Variants in LRP5 observed in about 807,000 individuals in gnomAD.
LRP5 encodes LDL receptor related protein 5, also known as low-density lipoprotein receptor-related protein 5.
Under a neutral mutation model 154.1 loss-of-function variants are expected in LRP5, and 62 were observed. That is an observed-to-expected ratio of 0.40 (90% CI 0.33 to 0.50). LRP5 has a LOEUF of 0.50. LRP5 is among the 20% of genes least tolerant of loss of function. LRP5 has a pLI of 0.55. For missense variants in LRP5, 1,915 were observed against 2,336.7 expected, an observed-to-expected ratio of 0.82 and a Z score of 3.72; for synonymous variants, 966 against 1,011.5, an observed-to-expected ratio of 0.96 and a Z score of 0.85.
At chr11:68,309,999 G>C (rs1443472261), upstream of LRP5, among the ~76,000 whole-genome samples, 6 of 152,238 alleles carry the variant, frequency 3.9e-5, no homozygotes, top group East Asian at 7.7e-4. Flanking sequence ...CTAGGCCCTG[G>C]TACGGGCACA....
At chr11:68,419,576 A>G (rs779492158) in intron 13 of LRP5, among the ~76,000 whole-genome samples, 35 of 144,836 alleles carry the variant, frequency 2.4e-4, no homozygotes, top group Non-Finnish European at 4.5e-4. Flanking sequence ...GTCTCACTCT[A>G]TCGCCCAGGC....
At chr11:68,437,552 A>G (rs572275564) in intron 19 of LRP5, among the ~76,000 whole-genome samples, 1 of 152,294 alleles carries the variant, frequency 6.6e-6, no homozygotes, top group East Asian at 1.9e-4. Flanking sequence ...GCAGGAAGGG[A>G]GCTGAGTTCA....
chr11:68,448,792 G>A lies in LRP5; in HGVS notation c.4587-17G>A. The A allele has an allele frequency of 6.2e-7, 1 of 1,602,278 alleles. No homozygotes were observed. Among genetic ancestry groups the A allele is most frequent in the Admixed American group, 1.7e-5 (1 of 60,024 alleles). On this transcript the variant is annotated splice_polypyrimidine_tract_variant and intron_variant, in intron 22 of 22. Transcript: ENST00000294304. ...TGTGCCTACCGAATCCCACTCCTCT[G>A]TGTGTGTCCCTTTCAGGCCCTACAT...
chr11:68,323,198 T>C (rs530797243), intron 1 of LRP5, among the ~76,000 whole-genome samples: 1 of 152,346 alleles, frequency 6.6e-6, no homozygotes, highest in East Asian at 1.9e-4. Context: ...AACCTCTGCC[T>C]CCTGGGTTCA....
chr11:68,314,668 G>A (rs1591162931), intron 1 of LRP5, among the ~76,000 whole-genome samples: 1 of 152,200 alleles, frequency 6.6e-6, no homozygotes, highest in African/African-American at 2.4e-5. Context: ...CTCTCTCCTC[G>A]GGGCCCAAGT....
At chr11:68,356,944 T>C (rs1400453500) in intron 2 of LRP5, among the ~76,000 whole-genome samples, 55 of 150,736 alleles carry the variant, frequency 3.6e-4, no homozygotes, top group Admixed American at 1.2e-3. Flanking sequence ...CTTTTCTTTT[T>C]TTTTTTTTTG....
chr11:68,371,714 G>A (rs1591241036), intron 5 of LRP5, among the ~76,000 whole-genome samples: 2 of 152,232 alleles, frequency 1.3e-5, no homozygotes, highest in Non-Finnish European at 2.9e-5. Flanking sequence ...GCTCACCCAG[G>A]GGCAACGTGA....
In LRP5 at chr11:68,433,612, C is replaced by G. The variant is rs567898028; in HGVS notation, c.3774C>G (p.Thr1258=). The G allele has an allele frequency of 5.6e-6, 9 of 1,613,440 alleles. No homozygotes were observed. In the East Asian group the frequency reaches 1.1e-4, roughly 20 times the overall value. The change falls in exon 18 of 23, where the codon ACC becomes ACG. Residue 1258 remains threonine, a synonymous_variant. Coordinates refer to ENST00000294304, the MANE Select transcript of LRP5 (RefSeq NM_002335.4). ...CTGTCCCTCCCCCAGAGCCGCCCACCTGCTCCCCGGACCAGTTTGCATGTG... is the reference window on the plus strand; with the variant it reads ...CTGTCCCTCCCCCAGAGCCGCCCACGTGCTCCCCGGACCAGTTTGCATGTG... ...QNLLTCGEPP[T]CSPDQFACAT... is the part of the protein sequence containing the mutation.
At chr11:68,326,343 G>A (rs1475715329) in intron 1 of LRP5, among the ~76,000 whole-genome samples, 3 of 152,252 alleles carry the variant, frequency 2.0e-5, no homozygotes, top group East Asian at 1.9e-4. Flanking sequence ...TGCCATCTGC[G>A]TCTGGGCTGG....
intron 19 of LRP5, among the ~76,000 whole-genome samples, chr11:68,437,863 G>C (rs1288833894): frequency 6.6e-6 from 1 of 152,248 alleles, no homozygotes; most frequent in Non-Finnish European, 1.5e-5. Context: ...GCGCAGCCAG[G>C]CCTCGCCGCC....
chr11:68,357,168 C>A (rs1393441792), intron 2 of LRP5, among the ~76,000 whole-genome samples: 1 of 152,142 alleles, frequency 6.6e-6, no homozygotes, highest in Non-Finnish European at 1.5e-5. Flanking sequence ...ATCTCCCGAC[C>A]TCGTGATCCA....
chr11:68,426,081 C>A lies in LRP5; in HGVS notation c.3531C>A (p.Ile1177=). Residue 1177 remains isoleucine (I), a synonymous_variant, in exon 16 of 23, where the codon ATC becomes ATA. Coordinates refer to ENST00000294304, the MANE Select transcript of LRP5 (RefSeq NM_002335.4). ...GGATCGACCGCCAGCAGCAGATGATCGAGCGTGTGGAGAAGACCACCGGGG... is the reference window on the plus strand; with the variant it reads ...GGATCGACCGCCAGCAGCAGATGATAGAGCGTGTGGAGAAGACCACCGGGG... ...LYWIDRQQQM[I]ERVEKTTGDK... is the part of the protein sequence containing the mutation. 10 of 1,613,648 alleles carry A rather than the reference C, an allele frequency of 6.2e-6. No homozygotes were observed. The highest frequency in any genetic ancestry group is 8.5e-6 in the Non-Finnish European group (10 of 1,180,026).
chr11:68,319,982 A>ACC (rs201821415), intron 1 of LRP5, among the ~76,000 whole-genome samples: 34 of 151,622 alleles, frequency 2.2e-4, no homozygotes, highest in African/African-American at 7.7e-4. Flanking sequence ...AAATTGGGAG[A>ACC]CCCCCCATGT....
chr11:68,332,385 C>T (rs552256834), intron 1 of LRP5, among the ~76,000 whole-genome samples: 2 of 152,366 alleles, frequency 1.3e-5, no homozygotes, highest in East Asian at 1.9e-4. Flanking sequence ...CCCCAGCACC[C>T]GGGCCTTGCT....
chr11:68,406,531 C>T lies in LRP5; in HGVS notation c.1809C>T (p.Asn603=). The part of the protein sequence containing the change: ...AVNVAKVVGT[N]PCADRNGGCS... Reference sequence around the variant, plus strand: ...CTCTGTGTTCGCTTCCAGGAACCAACCCGTGTGCGGACAGGAACGGGGGGT... The same window carrying T: ...CTCTGTGTTCGCTTCCAGGAACCAATCCGTGTGCGGACAGGAACGGGGGGT... Residue 603 remains asparagine (N), a synonymous_variant, in exon 9 of 23, where the codon AAC becomes AAT. Coordinates refer to ENST00000294304, the MANE Select transcript of LRP5 (RefSeq NM_002335.4). 6.2e-7 allele frequency: 1 copy of T among 1,614,142 alleles called. No homozygotes were observed. Among genetic ancestry groups the T allele is most frequent in the Non-Finnish European group, 8.5e-7 (1 of 1,180,040 alleles).
chr11:68,341,059 C>CTTTTGTTTTTTTTTTTTTTTTTT (rs2098608756), intron 1 of LRP5, among the ~76,000 whole-genome samples: 1 of 83,496 alleles, frequency 1.2e-5, no homozygotes, highest in Non-Finnish European at 2.4e-5. Flanking sequence ...GGAGATTGTT[C>CTTTTGTTTTTTTTTTTTTTTTTT]TTTTTTTTTT....
chr11:68,416,570 C>T (rs749867411), intron 13 of LRP5, 43 bp downstream of exon 13: 17 of 1,586,506 alleles, frequency 1.1e-5, no homozygotes, highest in Middle Eastern at 1.7e-4. Context: ...CTTCCCAAGG[C>T]GCTCCTCTTG....
chr11:68,316,262 G>T (rs1193045580), intron 1 of LRP5, among the ~76,000 whole-genome samples: 7 of 152,094 alleles, frequency 4.6e-5, no homozygotes, highest in African/African-American at 1.7e-4. Flanking sequence ...TACCACGTAT[G>T]GGTGTTTCAG....
the LRP5 span, among the ~76,000 whole-genome samples, chr11:68,304,830 C>T: frequency 6.6e-6 from 1 of 152,202 alleles, no homozygotes; most frequent in African/African-American, 2.4e-5. Context: ...CAGATTTCTC[C>T]CTTTTGGAAC....
Sources: gnomAD v4.1 joint callset for allele counts (sites outside exome capture counted in the v4.1 genomes callset) on GRCh38, gnomAD v4.1.1 for gene constraint, MANE v1.5 for transcripts, NCBI Gene and HGNC (gene_info 2026-07-23, HGNC 2026-07-21) for gene names.